Variants in APEH observed in about 807,000 individuals in gnomAD.
The protein encoded by APEH is acylamino-acid-releasing enzyme.
A neutral mutation model predicts 102.7 loss-of-function variants in APEH; 75 were observed. The ratio of observed to expected loss-of-function variants is 0.73; its 90% CI spans 0.61 to 0.89. APEH has a LOEUF of 0.89. Among genes scored for constraint, APEH ranks in the 40% least tolerant of loss-of-function variants. The pLI is 0.00. For synonymous variants in APEH, 344 were observed against 362.7 expected (o/e 0.95, Z 0.59); for missense variants, 863 against 941.2 (o/e 0.92, Z 1.09).
At chr3:49,676,573 C>T (rs750101395) in intron 7 of APEH, 36 bp from the exon 8 acceptor site, 1 of 1,614,040 alleles carries the variant, frequency 6.2e-7, no homozygotes, top group African/African-American at 1.3e-5. Flanking sequence ...GAGCTACCAC[C>T]CCTTGCTCAC....
intron 13 of APEH, chr3:49,680,033 A>T (rs2053247424): frequency 4.2e-6 from 1 of 237,686 alleles, no homozygotes; most frequent in Non-Finnish European, 8.6e-6. Flanking sequence ...CTGAGGGCCC[A>T]GGAAAAGCCC....
chr3:49,674,175 C>A, upstream of APEH: 1 of 587,124 alleles, frequency 1.7e-6, no homozygotes, highest in South Asian at 2.1e-5. Flanking sequence ...CCTGGCGAGA[C>A]CCCTGCTCTC....
At chr3:49,678,640 C>G (rs1417794075) in intron 11 of APEH, among the ~76,000 whole-genome samples, 1 of 152,168 alleles carries the variant, frequency 6.6e-6, no homozygotes, top group African/African-American at 2.4e-5. Flanking sequence ...TCTCTGGGTC[C>G]TCTCTGGGTC....
At position 49,683,382 on chromosome 3, in the gene APEH, A is replaced by C; in HGVS notation, c.*40A>C. On this transcript the variant is annotated 3_prime_UTR_variant, in exon 22 of 22. Coordinates refer to ENST00000296456, the MANE Select transcript of APEH (RefSeq NM_001640.4). ...GCATGAGCTGATCAGCCTGTGCCAC[A>C]CTTCGCTCTTGAGGAGCTCAACGGT... The C allele has an allele frequency of 6.4e-7, 1 of 1,557,192 alleles. No homozygotes were observed. Among genetic ancestry groups the C allele is most frequent in the Non-Finnish European group, 8.9e-7 (1 of 1,129,090 alleles).
chr3:49,674,396 G>A lies in APEH; in HGVS notation c.-6G>A, dbSNP rs780293171. 18 of 1,575,552 alleles carry A rather than the reference G, an allele frequency of 1.1e-5. No homozygotes were observed. The highest frequency in any genetic ancestry group is 1.4e-5 in the Non-Finnish European group (16 of 1,167,286). ...CCCGCCTCGCCCCGGCGGCAGAGAG[G>A]AGACTATGGAACGTCAGGTGAGGGC... On this transcript the variant is annotated 5_prime_UTR_variant, in exon 1 of 22. Transcript: ENST00000296456.
rs1559642624 is a variant in APEH, at chr3:49,683,224, C to T, written c.2094-13C>T. 2 of 1,612,108 alleles carry T rather than the reference C, an allele frequency of 1.2e-6. No homozygotes were observed. The highest frequency in any genetic ancestry group is 1.7e-6 in the Non-Finnish European group (2 of 1,178,172). Reference sequence around the variant, plus strand: ...ACCCTCCAACCTTAAATGTTGCTGACTAATCCCTACAGGCTCCTGCTCTAT... The same window carrying T: ...ACCCTCCAACCTTAAATGTTGCTGATTAATCCCTACAGGCTCCTGCTCTAT... On this transcript the variant is annotated splice_polypyrimidine_tract_variant and intron_variant, in intron 21 of 21. Transcript: ENST00000296456.
Position 49,679,053 on chromosome 3 carries a change from T to A in APEH, c.1158+104T>A. On this transcript the variant is annotated intron_variant, in intron 12 of 21. Transcript: ENST00000296456. This position sits in a 1 kb window ranked among gnomAD's most constrained non-coding sequence, Gnocchi z 4.3. Reference sequence around the variant, plus strand: ...CTGGGTGGAATGCCCAGCCACAAAGTCTCATCAGCCCCTTAAAACCCTGCC... The same window carrying A: ...CTGGGTGGAATGCCCAGCCACAAAGACTCATCAGCCCCTTAAAACCCTGCC... The A allele has an allele frequency of 1.1e-6, 1 of 926,042 alleles. No homozygotes were observed. The allele number at this position is 926,042 out of a possible 1,614,324, so 57.4% of individuals were successfully genotyped here.
rs1421898924 is a variant in APEH, at chr3:49,682,604, T to C, written c.1751T>C (p.Met584Thr). 1.9e-6 allele frequency: 3 copies of C among 1,614,146 alleles called. No homozygotes were observed. The highest frequency in any genetic ancestry group is 3.3e-4 in the Middle Eastern group (2 of 6,062). Residue 584 changes from methionine to threonine, a missense_variant, in exon 19 of 22, where the codon ATG (methionine) becomes ACG (threonine). Met to Thr is a moderately conservative substitution (Grantham distance 81, BLOSUM62 -1). Transcript: ENST00000296456. ...TTTGATGCAAGCCATGTGGCCCTTA[T>C]GGGTGGTTCCCATGGTGGCTTCATT... ...EHFDASHVAL[M>T]GGSHGGFISC...
intron 11 of APEH, among the ~76,000 whole-genome samples, chr3:49,677,996 G>A (rs920523046): frequency 2.0e-5 from 3 of 152,174 alleles, no homozygotes; most frequent in Non-Finnish European, 4.4e-5. Context: ...AGTGCACTAG[G>A]TTGGAATGTC....
chr3:49,683,955 T>C lies in APEH; in HGVS notation c.*613T>C. The stretch of plus-strand genomic sequence containing the variant: ...AGGCTAAGAAGCATCTGTACAGGCA[T>C]AAAGAGGAAACATGGCTTTATGTCT... On this transcript the variant is annotated 3_prime_UTR_variant, in exon 22 of 22. Coordinates refer to ENST00000296456, the MANE Select transcript of APEH (RefSeq NM_001640.4). 1 of 1,570,448 alleles carries C rather than the reference T, an allele frequency of 6.4e-7. No individual in the cohort carries two copies. The highest frequency in any genetic ancestry group is 8.6e-7 in the Non-Finnish European group (1 of 1,159,556).
Position 49,683,277 on chromosome 3 carries a change from G to A in APEH, c.2134G>A (p.Val712Met). ...YPKSTHALSE[V>M]EVESDSFMNA... ...CAAAAGCACCCACGCATTATCAGAG[G>A]TGGAGGTGGAGTCAGACAGCTTCAT... The change falls in exon 22 of 22, where the codon GTG becomes ATG. Residue 712 changes from valine to methionine, a missense_variant. Transcript: ENST00000296456. 1 of 1,614,046 alleles carries A rather than the reference G, an allele frequency of 6.2e-7. No individual in the cohort carries two copies. Among genetic ancestry groups the A allele is most frequent in the East Asian group, 2.2e-5 (1 of 44,884 alleles).
intron 14 of APEH, 30 bp downstream of exon 14, chr3:49,680,659 G>A (rs1206121326): frequency 6.3e-7 from 1 of 1,599,184 alleles, no homozygotes; most frequent in Non-Finnish European, 8.6e-7. Flanking sequence ...AGGCTGTGGA[G>A]GCAGGGGTTC....
At chr3:49,682,108 G>A (rs1366694081) in intron 17 of APEH, 141 bp downstream of exon 17, 4 of 1,028,882 alleles carry the variant, frequency 3.9e-6, no homozygotes, top group African/African-American at 3.2e-5. Flanking sequence ...ACCAGGAACT[G>A]CTGGGGCCCA....
At chr3:49,681,392 G>A (rs1029911063) in intron 15 of APEH, among the ~76,000 whole-genome samples, 153 bp downstream of exon 15, 1 of 152,230 alleles carries the variant, frequency 6.6e-6, no homozygotes, top group African/African-American at 2.4e-5. Flanking sequence ...GGCATGGGAA[G>A]TAGCATCTAG....
At chr3:49,677,173 T>G in intron 10 of APEH, 149 bp downstream of exon 10, 1 of 1,208,470 alleles carries the variant, frequency 8.3e-7, no homozygotes, top group Non-Finnish European at 1.2e-6. Flanking sequence ...CTGCCTGTCC[T>G]CTCAAGGAGG....
intron 11 of APEH, 111 bp from the exon 12 acceptor site, chr3:49,678,741 C>A: frequency 1.1e-6 from 1 of 889,100 alleles, no homozygotes; most frequent in Non-Finnish European, 1.8e-6. Flanking sequence ...AGGGGCCTGA[C>A]TGGTGCCTGA....
Position 49,679,019 on chromosome 3 carries a change from T to A in APEH, c.1158+70T>A. On this transcript the variant is annotated intron_variant, in intron 12 of 21. Coordinates refer to ENST00000296456, the MANE Select transcript of APEH (RefSeq NM_001640.4). This position sits in a 1 kb window ranked among gnomAD's most constrained non-coding sequence, Gnocchi z 4.3. Reference sequence around the variant, plus strand: ...CCCCAGGAGCCCTGGGGGTTGCATGTGCATGCCCCTGGGTGGAATGCCCAG... The same window carrying A: ...CCCCAGGAGCCCTGGGGGTTGCATGAGCATGCCCCTGGGTGGAATGCCCAG... 2.3e-6 allele frequency: 3 copies of A among 1,293,378 alleles called. No individual in the cohort carries two copies. Among genetic ancestry groups the A allele is most frequent in the Non-Finnish European group, 2.2e-6 (2 of 902,820 alleles). 80.1% of individuals were successfully genotyped at this position (1,293,378 alleles called of 1,614,324 possible).
Position 49,676,146 on chromosome 3 carries a change from A to G in APEH, c.533A>G (p.Gln178Arg). ...KKRPKAESFF[Q>R]TKALDVSASD... is the part of the protein sequence containing the mutation. Reference sequence around the variant, plus strand: ...CGCCCCAAGGCCGAGTCCTTCTTTCAGACCAAAGCCTTGGACGTCAGTGCC... The same window carrying G: ...CGCCCCAAGGCCGAGTCCTTCTTTCGGACCAAAGCCTTGGACGTCAGTGCC... The change falls in exon 6 of 22, where the codon CAG becomes CGG. Residue 178 changes from glutamine to arginine, a missense_variant. Transcript: ENST00000296456. The G allele has an allele frequency of 6.2e-7, 1 of 1,614,232 alleles. No homozygotes were observed. Among genetic ancestry groups the G allele is most frequent in the Non-Finnish European group, 8.5e-7 (1 of 1,180,048 alleles).
chr3:49,682,969 G>A (rs1408920908), intron 20 of APEH, 24 bp downstream of exon 20: 5 of 1,612,004 alleles, frequency 3.1e-6, no homozygotes, highest in East Asian at 2.2e-5. Context: ...TCCTTGCCCT[G>A]TGTGCTGCCC....
Sources: gnomAD v4.1 joint callset for allele counts (sites outside exome capture counted in the v4.1 genomes callset) on GRCh38, gnomAD v4.1.1 for gene constraint, Gnocchi (gnomAD v3.1) non-coding constraint, MANE v1.5 for transcripts, NCBI Gene and HGNC (gene_info 2026-07-23, HGNC 2026-07-21) for gene names.